The following ZMAT4 variants were observed in gnomAD, a reference collection of about 807,000 sequenced individuals.
The protein encoded by ZMAT4 is zinc finger matrin-type 4.
Under a neutral mutation model 28.7 loss-of-function variants are expected in ZMAT4, and 17 were observed. The ratio of observed to expected loss-of-function variants is 0.59; its 90% CI spans 0.41 to 0.89. The LOEUF is 0.89. ZMAT4 is among the 40% of genes least tolerant of loss of function. ZMAT4 has a pLI of 0.00. For synonymous variants in ZMAT4, 117 were observed against 109.2 expected, an observed-to-expected ratio of 1.07 and a Z score of -0.44; for missense variants, 240 against 283.8, an observed-to-expected ratio of 0.85 and a Z score of 1.11.
At chr8:40,798,908 G>C (rs1030842144) in intron 2 of ZMAT4, among the ~76,000 whole-genome samples, 1 of 99,902 alleles carries the variant, frequency 1.0e-5, no homozygotes, top group Non-Finnish European at 2.1e-5. Context: ...CCATTGGAAG[G>C]GGCTTTTTTC....
At chr8:40,651,770 T>C (rs1213217950) in intron 5 of ZMAT4, among the ~76,000 whole-genome samples, 1 of 148,280 alleles carries the variant, frequency 6.7e-6, no homozygotes, top group African/African-American at 2.5e-5. Flanking sequence ...CCCTCAGAAA[T>C]AACGCCGCAT....
intron 5 of ZMAT4, among the ~76,000 whole-genome samples, chr8:40,650,266 T>G (rs1457117234): frequency 2.0e-5 from 3 of 151,834 alleles, no homozygotes; most frequent in Non-Finnish European, 2.9e-5. Flanking sequence ...CCCACAGAAA[T>G]ACAAACTACC....
rs560719698 is a variant in ZMAT4, at chr8:40,667,577, G to T, written c.577+7127C>A. 2.0e-5 allele frequency among the ~76,000 whole-genome samples: 3 copies of T among 152,260 alleles called. No homozygotes were observed. In the East Asian group the frequency reaches 5.8e-4, roughly 29 times the overall value. ...AAGCAGTTTGTCTCCCCAGTAAATT[G>T]TGTACTGCAGTAGAAAGTGATCTCT... On this transcript the variant is annotated intron_variant, in intron 5 of 6. Transcript: ENST00000297737.
chr8:40,641,516 T>G (rs188662733), intron 5 of ZMAT4, among the ~76,000 whole-genome samples: 29 of 152,330 alleles, frequency 1.9e-4, no homozygotes, highest in African/African-American at 5.1e-4. Context: ...CTTTTATTTT[T>G]TAAGCTACTG....
In ZMAT4 at chr8:40,784,448, A is replaced by G. The variant is rs527276704; in HGVS notation, c.103-16718T>C. Among the ~76,000 whole-genome samples the G allele has an allele frequency of 9.1e-3, 1,380 of 152,280 alleles. 22 individuals carry two copies. Among genetic ancestry groups the G allele is most frequent in the African/African-American group, 0.032 (1,332 of 41,550 alleles). On this transcript the variant is annotated intron_variant, in intron 2 of 6. Transcript: ENST00000297737. Reference sequence around the variant, plus strand: ...TCCATACAGGTTATATGAAAAATCGATAACAACCATTATACTTAATACGGA... The same window carrying G: ...TCCATACAGGTTATATGAAAAATCGGTAACAACCATTATACTTAATACGGA...
At chr8:40,623,158 G>C (rs1366670096) in intron 5 of ZMAT4, among the ~76,000 whole-genome samples, 1 of 152,124 alleles carries the variant, frequency 6.6e-6, no homozygotes, top group Admixed American at 6.5e-5. Context: ...AATGAAGATG[G>C]AAAAATGGCA....
intron 2 of ZMAT4, among the ~76,000 whole-genome samples, chr8:40,813,400 A>T (rs112181360): frequency 2.0e-5 from 3 of 152,360 alleles, no homozygotes; most frequent in Non-Finnish European, 4.4e-5. Flanking sequence ...CATACAACAT[A>T]GGCTTTCTGA....
chr8:40,621,006 T>C (rs753272865), intron 5 of ZMAT4, among the ~76,000 whole-genome samples: 2 of 152,238 alleles, frequency 1.3e-5, no homozygotes, highest in Non-Finnish European at 2.9e-5. Context: ...TAGCAACATT[T>C]CTGTTCCACA....
At chr8:40,553,858 C>A (rs1035490821) in intron 6 of ZMAT4, among the ~76,000 whole-genome samples, 5 of 152,156 alleles carry the variant, frequency 3.3e-5, no homozygotes, top group Non-Finnish European at 5.9e-5. Context: ...ACCAATTATT[C>A]ATTCTGTGCC....
At chr8:40,682,448 A>T (rs78573279) in intron 4 of ZMAT4, among the ~76,000 whole-genome samples, 123 of 152,332 alleles carry the variant, frequency 8.1e-4, no homozygotes, top group Non-Finnish European at 1.5e-3. Flanking sequence ...GTTATCACAG[A>T]TCCAAATATG....
chr8:40,719,430 G>A (rs1810987174), intron 3 of ZMAT4, among the ~76,000 whole-genome samples: 1 of 151,806 alleles, frequency 6.6e-6, no homozygotes, highest in Non-Finnish European at 1.5e-5. Flanking sequence ...GCAAGATTCT[G>A]TCTCAAAACA....
intron 2 of ZMAT4, among the ~76,000 whole-genome samples, chr8:40,785,091 C>T (rs1050114567): frequency 2.0e-5 from 3 of 152,216 alleles, no homozygotes; most frequent in African/African-American, 4.8e-5. Context: ...TGCTTCTAAG[C>T]GTTTGCTGAT....
intron 3 of ZMAT4, among the ~76,000 whole-genome samples, chr8:40,723,818 G>A (rs1359820459): frequency 1.3e-5 from 2 of 152,102 alleles, no homozygotes; most frequent in Non-Finnish European, 2.9e-5. Flanking sequence ...CTTGGAGAAA[G>A]GTGCTGCTGG....
At chr8:40,855,014 A>G (rs1031498207) in intron 1 of ZMAT4, among the ~76,000 whole-genome samples, 1 of 152,300 alleles carries the variant, frequency 6.6e-6, no homozygotes, top group African/African-American at 2.4e-5. Context: ...CATTTTTGAG[A>G]TGAAGTTTAT....
chr8:40,678,604 C>A (rs1386352484), intron 4 of ZMAT4, among the ~76,000 whole-genome samples: 1 of 152,208 alleles, frequency 6.6e-6, no homozygotes, highest in East Asian at 1.9e-4. Context: ...ACTCACTGCA[C>A]AATTCATTTG....
intron 2 of ZMAT4, chr8:40,808,639 G>A: frequency 2.2e-6 from 1 of 449,992 alleles, no homozygotes; most frequent in Non-Finnish European, 4.5e-6. Flanking sequence ...CCCGTTACAT[G>A]GTCACATTAG....
intron 4 of ZMAT4, among the ~76,000 whole-genome samples, chr8:40,680,320 T>A (rs1320012869): frequency 6.6e-6 from 1 of 152,080 alleles, no homozygotes; most frequent in Admixed American, 6.6e-5. Context: ...CTGAGAGGGT[T>A]TCCTAGGACC....
intron 2 of ZMAT4, among the ~76,000 whole-genome samples, chr8:40,795,230 G>C (rs576380339): frequency 6.6e-6 from 1 of 152,146 alleles, no homozygotes; most frequent in South Asian, 2.1e-4. Flanking sequence ...GCTGATTTGG[G>C]GGCAAACCTC....
At chr8:40,564,284 C>T (rs774890239) in intron 6 of ZMAT4, among the ~76,000 whole-genome samples, 22 of 152,184 alleles carry the variant, frequency 1.4e-4, no homozygotes, top group Non-Finnish European at 2.8e-4. Context: ...GATCACTTCT[C>T]TTTTTATAAG....
Sources: gnomAD v4.1 joint callset for allele counts (sites outside exome capture counted in the v4.1 genomes callset) on GRCh38, gnomAD v4.1.1 for gene constraint, MANE v1.5 for transcripts, NCBI Gene and HGNC (gene_info 2026-07-23, HGNC 2026-07-21) for gene names.